Variants in HERC4 observed in about 807,000 individuals in gnomAD.
HERC4 encodes the protein probable E3 ubiquitin-protein ligase HERC4.
Under a neutral mutation model 124.3 loss-of-function variants are expected in HERC4, and 28 were observed. The observed-to-expected ratio is 0.23, with a 90% CI of 0.17 to 0.31. HERC4 has a LOEUF of 0.31. HERC4 is among the 10% of genes least tolerant of loss of function. HERC4 has a pLI of 1.00. For missense variants in HERC4, 713 were observed against 1,229.3 expected, an observed-to-expected ratio of 0.58 and a Z score of 6.28; for synonymous variants, 407 against 421.5, an observed-to-expected ratio of 0.97 and a Z score of 0.42.
At chr10:67,948,241 A>G (rs2132230387) in intron 19 of HERC4, among the ~76,000 whole-genome samples, 1 of 152,294 alleles carries the variant, frequency 6.6e-6, no homozygotes, top group Middle Eastern at 3.4e-3. Context: ...AGAAAACTAA[A>G]TATTAAAGCA....
At chr10:68,020,093 G>C (rs142185338) in intron 8 of HERC4, among the ~76,000 whole-genome samples, 1 of 152,126 alleles carries the variant, frequency 6.6e-6, no homozygotes, top group Non-Finnish European at 1.5e-5. Context: ...CATTAGCAGG[G>C]AAAGGTATAG....
intron 9 of HERC4, among the ~76,000 whole-genome samples, chr10:68,004,450 T>C (rs1222927146): frequency 6.6e-6 from 1 of 152,222 alleles, no homozygotes. Context: ...TTGTGGGGTA[T>C]CACTCAAGAA....
intron 9 of HERC4, among the ~76,000 whole-genome samples, chr10:68,012,856 T>C (rs568532198): frequency 3.3e-5 from 5 of 152,204 alleles, no homozygotes; most frequent in Admixed American, 6.5e-5. Flanking sequence ...TCTCGCAATA[T>C]TTCAATATTT....
intron 23 of HERC4, among the ~76,000 whole-genome samples, chr10:67,927,667 C>T (rs1004179900): frequency 1.3e-5 from 2 of 151,796 alleles, no homozygotes; most frequent in Admixed American, 6.6e-5. Flanking sequence ...CCTCGTGATC[C>T]GCCTGCCTCA....
chr10:67,955,285 C>T (rs903472083), intron 17 of HERC4, 155 bp from the exon 18 acceptor site: 14 of 596,096 alleles, frequency 2.3e-5, no homozygotes, highest in Non-Finnish European at 3.1e-5. Context: ...CAGCATAAAA[C>T]TTAATAAACT....
chr10:67,936,315 T>A, intron 21 of HERC4, 80 bp from the exon 22 acceptor site: 1 of 743,178 alleles, frequency 1.3e-6, no homozygotes, highest in Non-Finnish European at 2.1e-6. Context: ...TACCTTTCTC[T>A]CATTTAATTA....
chr10:67,995,715 C>T (rs1044743968), intron 9 of HERC4, among the ~76,000 whole-genome samples: 1 of 152,064 alleles, frequency 6.6e-6, no homozygotes, highest in Admixed American at 6.6e-5. Flanking sequence ...ACAAATTTAT[C>T]TAATTCTTTA....
chr10:67,942,854 TA>T (rs1274704798), intron 19 of HERC4, among the ~76,000 whole-genome samples: 1 of 152,210 alleles, frequency 6.6e-6, no homozygotes, highest in Non-Finnish European at 1.5e-5. Context: ...GAAAATGCTC[TA>T]CTCTTCACGT....
At chr10:68,065,153 C>T (rs1239762594) in intron 3 of HERC4, among the ~76,000 whole-genome samples, 1 of 152,044 alleles carries the variant, frequency 6.6e-6, no homozygotes, top group African/African-American at 2.4e-5. Flanking sequence ...AGTTTGTAAT[C>T]AGAAACATAT....
At chr10:67,931,380 A>T (rs900077452) in intron 23 of HERC4, among the ~76,000 whole-genome samples, 9 of 152,142 alleles carry the variant, frequency 5.9e-5, no homozygotes, top group Non-Finnish European at 1.3e-4. Context: ...GGAAACAAAG[A>T]TTTTTAAAAA....
At chr10:67,937,360 G>GA (rs1277878042) in intron 21 of HERC4, among the ~76,000 whole-genome samples, 2 of 152,150 alleles carry the variant, frequency 1.3e-5, no homozygotes, top group Non-Finnish European at 2.9e-5. Flanking sequence ...AAGAGCCACT[G>GA]AAAAATCTCT....
intron 15 of HERC4, among the ~76,000 whole-genome samples, chr10:67,975,057 C>T (rs1034967003): frequency 3.3e-5 from 5 of 152,108 alleles, no homozygotes; most frequent in African/African-American, 4.8e-5. Context: ...GGCATGGTGG[C>T]GCACGCCTGT....
At position 68,011,722 on chromosome 10, in the gene HERC4, A is replaced by G. The variant is rs751219832; in HGVS notation, c.1069+2304T>C. ...AGAATACAGGCAGAGTAGATTTAGC[A>G]TAATTCCTGAGGGCCCTGGCATTTT... On this transcript the variant is annotated intron_variant, in intron 9 of 24. Transcript: ENST00000373700. Among the ~76,000 whole-genome samples, 2 of 152,220 alleles carry G rather than the reference A, an allele frequency of 1.3e-5. 1 individual carries two copies. The highest frequency in any genetic ancestry group is 2.9e-5 in the Non-Finnish European group (2 of 68,038).
At chr10:68,061,532 C>CAA (rs59169970) in intron 3 of HERC4, among the ~76,000 whole-genome samples, 2,282 of 13,942 alleles carry the variant, frequency 0.16, 436 homozygotes, top group Non-Finnish European at 0.2. Flanking sequence ...GACTCCGTCT[C>CAA]AAAAAAAAAA....
In HERC4 at chr10:67,956,949, T is replaced by C. The variant is rs1462315456; in HGVS notation, c.1954A>G (p.Thr652Ala). 1 of 1,593,788 alleles carries C rather than the reference T, an allele frequency of 6.3e-7. No individual in the cohort carries two copies. The highest frequency in any genetic ancestry group is 1.2e-5 in the South Asian group (1 of 86,932). Residue 652 changes from threonine to alanine, a missense_variant, in exon 17 of 25, where the codon ACA becomes GCA. By Grantham distance (58) the Thr-to-Ala change is moderately conservative. Coordinates refer to ENST00000373700, the MANE Select transcript of HERC4 (RefSeq NM_015601.4). ...TGGGCATCAAATACAAATGGATATGTACAGATTGTAACAGGGATATCTGCC... is the reference window on the plus strand; with the variant it reads ...TGGGCATCAAATACAAATGGATATGCACAGATTGTAACAGGGATATCTGCC... ...MLADIPVTIC[T>A]YPFVFDAQAK...
At chr10:67,979,509 T>C (rs145859134) in intron 15 of HERC4, among the ~76,000 whole-genome samples, 83 of 151,940 alleles carry the variant, frequency 5.5e-4, no homozygotes, top group African/African-American at 1.7e-3. Flanking sequence ...AAAGAGGAGA[T>C]AGATGGGGCA....
intron 3 of HERC4, among the ~76,000 whole-genome samples, chr10:68,065,371 A>C (rs897310274): frequency 6.6e-6 from 1 of 152,224 alleles, no homozygotes; most frequent in Non-Finnish European, 1.5e-5. Flanking sequence ...CTTAGATATG[A>C]ATAAAAAAGT....
intron 22 of HERC4, among the ~76,000 whole-genome samples, chr10:67,934,965 G>GTTT (rs564960902): frequency 7.1e-6 from 1 of 140,964 alleles, no homozygotes; most frequent in African/African-American, 2.6e-5. Flanking sequence ...TTTCAAATGA[G>GTTT]TTTTTTTTTT....
chr10:68,059,857 T>C, intron 3 of HERC4, among the ~76,000 whole-genome samples: 1 of 93,650 alleles, frequency 1.1e-5, no homozygotes, highest in Non-Finnish European at 1.8e-5. Context: ...TTATATATCA[T>C]AATATTATAT....
Sources: allele counts gnomAD v4.1 joint callset (sites outside exome capture counted in the v4.1 genomes callset), GRCh38; gene constraint gnomAD v4.1.1; transcripts MANE v1.5; gene names NCBI Gene and HGNC (gene_info 2026-07-23, HGNC 2026-07-21).